The following ASIC2 variants were observed in gnomAD, a reference collection of about 807,000 sequenced individuals.
ASIC2 encodes the protein acid-sensing ion channel 2.
Under a neutral mutation model 57.3 loss-of-function variants are expected in ASIC2, and 25 were observed. The observed-to-expected ratio is 0.44, with a 90% CI of 0.32 to 0.61. The LOEUF (loss-of-function observed/expected upper bound fraction) is 0.61, where lower values mean the gene tolerates loss of function less well. Among genes scored for constraint, ASIC2 ranks in the 20% least tolerant of loss-of-function variants. The probability of loss-of-function intolerance (pLI) is 0.06; values close to 1 mark genes in which losing one functional copy is unlikely to be tolerated. For missense variants in ASIC2, 641 were observed against 738.1 expected, an observed-to-expected ratio of 0.87 and a Z score of 1.52; for synonymous variants, 319 against 307.5, an observed-to-expected ratio of 1.04 and a Z score of -0.39.
At chr17:33,045,453 G>A (rs1319254866) in intron 3 of ASIC2, among the ~76,000 whole-genome samples, 1 of 152,206 alleles carries the variant, frequency 6.6e-6, no homozygotes, top group Non-Finnish European at 1.5e-5. Context: ...GGGAGGAGAA[G>A]TGTTCCAGGG....
chr17:34,107,879 A>G (rs1027252607), intron 1 of ASIC2, among the ~76,000 whole-genome samples: 3 of 152,198 alleles, frequency 2.0e-5, no homozygotes, highest in African/African-American at 7.2e-5. Context: ...CATGCATCCG[A>G]AAGTCAAATA....
chr17:33,981,022 G>A (rs1905600636), intron 1 of ASIC2, among the ~76,000 whole-genome samples: 1 of 149,458 alleles, frequency 6.7e-6, no homozygotes, highest in Non-Finnish European at 1.5e-5. Context: ...TGCAACCTCT[G>A]CCTCCTGGGT....
chr17:34,022,630 A>G (rs75790888), intron 1 of ASIC2, among the ~76,000 whole-genome samples: 2 of 141,620 alleles, frequency 1.4e-5, no homozygotes, highest in Non-Finnish European at 3.1e-5. Flanking sequence ...ATTTCCCATG[A>G]AAAAAAAAAA....
At chr17:33,780,635 A>G (rs774805161) in intron 1 of ASIC2, among the ~76,000 whole-genome samples, 12 of 152,180 alleles carry the variant, frequency 7.9e-5, no homozygotes, top group Non-Finnish European at 1.6e-4. Context: ...GGTGCAGTCC[A>G]AAGGTGGGAA....
At chr17:34,061,652 C>T (rs1908974642) in intron 1 of ASIC2, among the ~76,000 whole-genome samples, 1 of 152,082 alleles carries the variant, frequency 6.6e-6, no homozygotes, top group South Asian at 2.1e-4. Flanking sequence ...AAAGGACTCA[C>T]ATAAACTTAA....
intron 1 of ASIC2, among the ~76,000 whole-genome samples, chr17:34,115,244 A>G (rs1031425755): frequency 6.6e-6 from 1 of 152,234 alleles, no homozygotes; most frequent in African/African-American, 2.4e-5. Flanking sequence ...AGCATGTAGT[A>G]TCCTACATTA....
chr17:33,641,387 T>A (rs1476510052), intron 1 of ASIC2, among the ~76,000 whole-genome samples: 1 of 152,238 alleles, frequency 6.6e-6, no homozygotes, highest in Non-Finnish European at 1.5e-5. Context: ...GTTCTCCTTC[T>A]GCAGACATGT....
intron 1 of ASIC2, among the ~76,000 whole-genome samples, chr17:33,447,335 G>C (rs1206919433): frequency 6.6e-6 from 1 of 152,198 alleles, no homozygotes; most frequent in African/African-American, 2.4e-5. Flanking sequence ...CCTGCCTAGA[G>C]ATACCACTAA....
At chr17:33,328,558 G>A (rs1225340204) in intron 1 of ASIC2, among the ~76,000 whole-genome samples, 1 of 151,994 alleles carries the variant, frequency 6.6e-6, no homozygotes, top group Admixed American at 6.6e-5. Flanking sequence ...TGGTGACCAC[G>A]TTTCTGTGAT....
At chr17:33,296,629 A>T (rs1029076628), upstream of ASIC2, among the ~76,000 whole-genome samples, 6 of 152,296 alleles carry the variant, frequency 3.9e-5, no homozygotes, top group Middle Eastern at 3.4e-3. Flanking sequence ...CAGTGGCAGG[A>T]AAGTCTTCTG....
intron 1 of ASIC2, among the ~76,000 whole-genome samples, chr17:33,674,492 G>C (rs61018730): frequency 0.05 from 7,630 of 152,248 alleles, 499 homozygotes; most frequent in African/African-American, 0.15. Flanking sequence ...AATGGCAATA[G>C]TAGAAGCTAC....
At chr17:34,025,683 T>C (rs1907351027) in intron 1 of ASIC2, among the ~76,000 whole-genome samples, 1 of 152,226 alleles carries the variant, frequency 6.6e-6, no homozygotes, top group Non-Finnish European at 1.5e-5. Flanking sequence ...TAGGATCGGA[T>C]TTTAGTTTTA....
intron 1 of ASIC2, among the ~76,000 whole-genome samples, chr17:33,433,463 C>T (rs1043201449): frequency 1.3e-5 from 2 of 152,120 alleles, no homozygotes; most frequent in Non-Finnish European, 2.9e-5. Flanking sequence ...AGGCTTAATA[C>T]CTTGATGACC....
intron 1 of ASIC2, among the ~76,000 whole-genome samples, chr17:33,494,479 C>A (rs942178530): frequency 1.3e-5 from 2 of 152,314 alleles, no homozygotes; most frequent in Middle Eastern, 3.4e-3. Flanking sequence ...CATAACAAGA[C>A]ATTCTTCACA....
At chr17:33,067,889 C>G (rs181884805) in intron 3 of ASIC2, among the ~76,000 whole-genome samples, 1 of 152,314 alleles carries the variant, frequency 6.6e-6, no homozygotes, top group East Asian at 1.9e-4. Context: ...GCATCATCAA[C>G]CTTTTCTGAG....
At chr17:33,124,711 C>T (rs1051144773) in intron 1 of ASIC2, among the ~76,000 whole-genome samples, 13 of 152,026 alleles carry the variant, frequency 8.6e-5, no homozygotes, top group East Asian at 3.9e-4. Flanking sequence ...GAGAAGGGGG[C>T]GATGGTTTCG....
intron 1 of ASIC2, among the ~76,000 whole-genome samples, chr17:33,744,517 T>C (rs1910203446): frequency 6.6e-6 from 1 of 152,142 alleles, no homozygotes; most frequent in Non-Finnish European, 1.5e-5. Flanking sequence ...TTAGCTAAAA[T>C]ATCCCAGCCA....
intron 1 of ASIC2, among the ~76,000 whole-genome samples, chr17:34,035,662 C>A (rs1041963798): frequency 6.6e-6 from 1 of 152,058 alleles, no homozygotes; most frequent in Non-Finnish European, 1.5e-5. Flanking sequence ...CTAGAATCTA[C>A]AATGAACTCA....
intron 1 of ASIC2, among the ~76,000 whole-genome samples, chr17:33,623,163 G>A (rs1308656085): frequency 6.6e-6 from 1 of 152,152 alleles, no homozygotes; most frequent in East Asian, 1.9e-4. Flanking sequence ...GGCAAGTGAT[G>A]ACTCCAGGGC....
Sources: gnomAD v4.1 joint callset for allele counts (sites outside exome capture counted in the v4.1 genomes callset) on GRCh38, gnomAD v4.1.1 for gene constraint, MANE v1.5 for transcripts, NCBI Gene and HGNC (gene_info 2026-07-23, HGNC 2026-07-21) for gene names.